The following ITPR2 variants were observed in gnomAD, a reference collection of about 807,000 sequenced individuals.
ITPR2 encodes the protein inositol 1,4,5-trisphosphate-gated calcium channel ITPR2.
A neutral mutation model predicts 317.1 loss-of-function variants in ITPR2; 207 were observed. The ratio of observed to expected loss-of-function variants is 0.65; its 90% CI spans 0.58 to 0.73. The LOEUF is 0.73. Among genes scored for constraint, ITPR2 ranks in the 30% least tolerant of loss-of-function variants. ITPR2 has a pLI of 0.00. For synonymous variants in ITPR2, 1,156 were observed against 1,149.1 expected (o/e 1.01, Z -0.12); for missense variants, 2,613 against 3,284.0 (o/e 0.80, Z 4.99).
chr12:26,741,618 CG>C (rs1412943520), intron 2 of ITPR2, among the ~76,000 whole-genome samples: 1 of 152,114 alleles, frequency 6.6e-6, no homozygotes, highest in Non-Finnish European at 1.5e-5. Context: ...GAGCCTACAG[CG>C]GATGGGATTC....
chr12:26,633,186 T>C (rs1017603811), intron 21 of ITPR2, among the ~76,000 whole-genome samples: 2 of 150,110 alleles, frequency 1.3e-5, no homozygotes, highest in African/African-American at 2.4e-5. Context: ...ATGTAAACCA[T>C]GGTAATACCT....
chr12:26,549,126 A>G (rs1434613479), intron 37 of ITPR2, among the ~76,000 whole-genome samples: 1 of 152,222 alleles, frequency 6.6e-6, no homozygotes, highest in African/African-American at 2.4e-5. Flanking sequence ...AAAGACAACC[A>G]AAAGTCCCAA....
At chr12:26,356,621 T>G (rs767581413) in intron 55 of ITPR2, among the ~76,000 whole-genome samples, 2 of 152,242 alleles carry the variant, frequency 1.3e-5, no homozygotes, top group Non-Finnish European at 2.9e-5. Flanking sequence ...CAGTAGGTGC[T>G]GCATTTCTAA....
intron 45 of ITPR2, among the ~76,000 whole-genome samples, chr12:26,464,607 T>C (rs1942122377): frequency 6.6e-6 from 1 of 152,212 alleles, no homozygotes; most frequent in Admixed American, 6.5e-5. Context: ...CTCATTTACT[T>C]ACTCTCTCAC....
intron 14 of ITPR2, among the ~76,000 whole-genome samples, chr12:26,664,146 A>G (rs1565675503): frequency 6.6e-6 from 1 of 152,234 alleles, no homozygotes; most frequent in Non-Finnish European, 1.5e-5. Flanking sequence ...ACCAAGTTAC[A>G]TGAACATATT....
chr12:26,772,520 T>TG (rs1465763781), intron 2 of ITPR2, among the ~76,000 whole-genome samples: 10,395 of 77,084 alleles, frequency 0.13, 1,006 homozygotes, highest in Non-Finnish European at 0.26. Flanking sequence ...ATATAATACA[T>TG]TATTATATAT....
In ITPR2 at chr12:26,418,931, C is replaced by A; in HGVS notation, c.7110+118G>T. The A allele has an allele frequency of 8.8e-6, 7 of 792,038 alleles. No individual in the cohort carries two copies. In the South Asian group the frequency reaches 1.3e-4, roughly 15 times the overall value. 49.1% of individuals were successfully genotyped at this position (792,038 alleles called of 1,614,324 possible). On this transcript the variant is annotated intron_variant, in intron 50 of 56. Transcript: ENST00000381340. ...TTTTCCTAGGAAATTCTAAAAATAA[C>A]ATAATTTGTCCTAAATGTCAGGCTT...
At chr12:26,556,851 G>A (rs1944678161) in intron 35 of ITPR2, among the ~76,000 whole-genome samples, 1 of 151,902 alleles carries the variant, frequency 6.6e-6, no homozygotes, top group Admixed American at 6.6e-5. Flanking sequence ...GGCCAAGGCA[G>A]GTGGATTGCA....
chr12:26,395,887 T>C (rs570442801), intron 54 of ITPR2, among the ~76,000 whole-genome samples: 128 of 152,352 alleles, frequency 8.4e-4, no homozygotes, highest in South Asian at 2.3e-3. Context: ...GGGAGCCAAG[T>C]CTCTGTTTCC....
At chr12:26,624,457 T>C (rs1198127388) in intron 23 of ITPR2, 101 bp from the exon 24 acceptor site, 3 of 815,742 alleles carry the variant, frequency 3.7e-6, no homozygotes, top group African/African-American at 3.5e-5. Flanking sequence ...TTTGTCTTCA[T>C]TTCTTTATTC....
intron 37 of ITPR2, among the ~76,000 whole-genome samples, chr12:26,538,373 C>T (rs1191012396): frequency 2.0e-5 from 3 of 151,950 alleles, no homozygotes; most frequent in Non-Finnish European, 4.4e-5. Context: ...GCTTAACCTT[C>T]AGGTTGCTAG....
At chr12:26,739,276 T>G (rs1277516001) in intron 2 of ITPR2, among the ~76,000 whole-genome samples, 1 of 152,192 alleles carries the variant, frequency 6.6e-6, no homozygotes, top group African/African-American at 2.4e-5. Context: ...AGATACTTAT[T>G]ATATGATCCA....
rs182337687 is a variant in ITPR2 at position 26,564,242 on chromosome 12, A to G, written c.4631-2290T>C. ...AGAGAGACTGTGAAATAAAGAGGGT[A>G]AACCCAGGAATTTAAATATCTAACA... is the stretch of plus-strand genomic sequence containing the variant. On this transcript the variant is annotated intron_variant, in intron 34 of 56. Coordinates refer to ENST00000381340, the MANE Select transcript of ITPR2 (RefSeq NM_002223.4). Among the ~76,000 whole-genome samples the G allele has an allele frequency of 3.0e-3, 450 of 152,352 alleles. 2 individuals carry two copies. Among genetic ancestry groups the G allele is most frequent in the Non-Finnish European group, 3.0e-3 (201 of 68,024 alleles).
chr12:26,522,151 A>G (rs1943683414), intron 37 of ITPR2, among the ~76,000 whole-genome samples: 1 of 152,226 alleles, frequency 6.6e-6, no homozygotes, highest in Non-Finnish European at 1.5e-5. Context: ...GATGAACACT[A>G]TATAGTATAA....
At chr12:26,555,253 A>G (rs993268649) in intron 36 of ITPR2, among the ~76,000 whole-genome samples, 8 of 152,172 alleles carry the variant, frequency 5.3e-5, no homozygotes, top group Admixed American at 6.5e-5. Flanking sequence ...TAGTCCTTTA[A>G]TCTCTGCCTC....
chr12:26,641,078 CA>C (rs1946973661), intron 21 of ITPR2, among the ~76,000 whole-genome samples: 1 of 152,014 alleles, frequency 6.6e-6, no homozygotes, highest in South Asian at 2.1e-4. Flanking sequence ...GAGAAAGAGT[CA>C]AAACACAGAG....
At chr12:26,481,268 TCA>T in intron 42 of ITPR2, 27 bp from the exon 43 acceptor site, 1 of 1,283,170 alleles carries the variant, frequency 7.8e-7, no homozygotes, top group Non-Finnish European at 1.1e-6. Context: ...TTGTAAAATA[TCA>T]TTTTATTCAC....
intron 55 of ITPR2, among the ~76,000 whole-genome samples, chr12:26,340,785 C>T (rs1481414938): frequency 6.6e-6 from 1 of 152,160 alleles, no homozygotes; most frequent in Non-Finnish European, 1.5e-5. Context: ...CTTTACCTCC[C>T]ACTTCCTCTG....
intron 49 of ITPR2, among the ~76,000 whole-genome samples, chr12:26,423,041 C>T (rs1940944332): frequency 1.3e-5 from 2 of 152,118 alleles, no homozygotes. Context: ...GCTGACAAAA[C>T]AGAACAGTAA....
Sources: allele counts gnomAD v4.1 joint callset (sites outside exome capture counted in the v4.1 genomes callset), GRCh38; gene constraint gnomAD v4.1.1; transcripts MANE v1.5; gene names NCBI Gene and HGNC (gene_info 2026-07-23, HGNC 2026-07-21).